EXT2: variants seen among roughly 807,000 people sequenced by gnomAD.
EXT2 encodes the protein exostosin glycosyltransferase 2.
In EXT2, 53 loss-of-function variants were observed where a neutral mutation model predicts 81.6. The observed-to-expected ratio is 0.65, with a 90% CI of 0.52 to 0.82. The LOEUF (loss-of-function observed/expected upper bound fraction) is 0.82. Among genes scored for constraint, EXT2 ranks in the 40% least tolerant of loss-of-function variants. The pLI is 0.00. For missense variants in EXT2, 774 were observed against 910.2 expected, an observed-to-expected ratio of 0.85 and a Z score of 1.93; for synonymous variants, 320 against 340.0, an observed-to-expected ratio of 0.94 and a Z score of 0.65.
At chr11:44,173,735 A>AT (rs1180776453) in intron 8 of EXT2, among the ~76,000 whole-genome samples, 1 of 151,364 alleles carries the variant, frequency 6.6e-6, no homozygotes, top group Admixed American at 6.6e-5. Context: ...CGTCCGGCTA[A>AT]TTTTTTGTGT....
chr11:44,215,873 T>TC (rs1955711706), intron 10 of EXT2, among the ~76,000 whole-genome samples: 1 of 124,558 alleles, frequency 8.0e-6, no homozygotes, highest in African/African-American at 3.0e-5. Context: ...GAATTTTTTT[T>TC]TTTTTTTTTT....
intron 10 of EXT2, among the ~76,000 whole-genome samples, chr11:44,217,758 C>T (rs1243034530): frequency 6.6e-6 from 1 of 152,164 alleles, no homozygotes; most frequent in South Asian, 2.1e-4. Flanking sequence ...TATTCCTCCT[C>T]CCCTCCTCCA....
At chr11:44,231,573 G>C (rs892327702) in intron 10 of EXT2, among the ~76,000 whole-genome samples, 2 of 152,184 alleles carry the variant, frequency 1.3e-5, no homozygotes, top group Non-Finnish European at 2.9e-5. Context: ...ATAGAGCCTA[G>C]GACCGAATTC....
chr11:44,241,743 T>C (rs989150650), intron 13 of EXT2, among the ~76,000 whole-genome samples: 3 of 152,194 alleles, frequency 2.0e-5, no homozygotes, highest in African/African-American at 7.2e-5. Flanking sequence ...CACAGGAGAA[T>C]GGTTACTGAC....
intron 2 of EXT2, 87 bp downstream of exon 2, chr11:44,108,335 C>G: frequency 7.0e-7 from 1 of 1,438,540 alleles, no homozygotes. Context: ...GGGAATGCTT[C>G]TGCTCTTGAG....
intron 12 of EXT2, among the ~76,000 whole-genome samples, chr11:44,235,883 T>A (rs981654348): frequency 6.6e-6 from 1 of 152,202 alleles, no homozygotes; most frequent in East Asian, 1.9e-4. Flanking sequence ...CATTTGCCAT[T>A]AGCTGGAAAG....
intron 7 of EXT2, among the ~76,000 whole-genome samples, chr11:44,141,720 C>A (rs535610945): frequency 6.6e-6 from 1 of 152,180 alleles, no homozygotes; most frequent in Non-Finnish European, 1.5e-5. Context: ...AGTTAACCAT[C>A]GGTTTAATCC....
At chr11:44,209,014 C>T (rs985417429) in intron 10 of EXT2, among the ~76,000 whole-genome samples, 2 of 152,192 alleles carry the variant, frequency 1.3e-5, no homozygotes, top group African/African-American at 4.8e-5. Flanking sequence ...TTAGGGCCTC[C>T]GTGCCCAAAT....
At chr11:44,178,233 A>T (rs1955185432) in intron 8 of EXT2, among the ~76,000 whole-genome samples, 1 of 152,194 alleles carries the variant, frequency 6.6e-6, no homozygotes, top group Non-Finnish European at 1.5e-5. Context: ...TGAGATTCAG[A>T]TTGGGTAGGT....
At chr11:44,197,763 A>T in intron 8 of EXT2, 66 bp from the exon 9 acceptor site, 1 of 1,561,432 alleles carries the variant, frequency 6.4e-7, no homozygotes, top group African/African-American at 1.4e-5. Context: ...GGGTTTGCTG[A>T]CGATATTGGG....
intron 7 of EXT2, among the ~76,000 whole-genome samples, chr11:44,134,558 G>A (rs1422275858): frequency 6.6e-6 from 1 of 152,160 alleles, no homozygotes; most frequent in African/African-American, 2.4e-5. Flanking sequence ...GCAGGCAGAA[G>A]TATGCAGCTA....
intron 10 of EXT2, among the ~76,000 whole-genome samples, chr11:44,222,497 G>GATTCCAT (rs1955792520): frequency 6.6e-6 from 1 of 152,194 alleles, no homozygotes; most frequent in Admixed American, 6.5e-5. Flanking sequence ...TTCAAAGTAT[G>GATTCCAT]ATTCCATATT....
At chr11:44,131,473 C>A (rs576245495) in intron 7 of EXT2, among the ~76,000 whole-genome samples, 10 of 152,290 alleles carry the variant, frequency 6.6e-5, no homozygotes, top group Non-Finnish European at 1.3e-4. Context: ...CCTCAGTGAC[C>A]TCATCTGTGC....
chr11:44,223,641 A>T (rs1908474), intron 10 of EXT2, among the ~76,000 whole-genome samples: 22 of 150,464 alleles, frequency 1.5e-4, no homozygotes, highest in African/African-American at 4.4e-4. Context: ...GGAGGGAGAC[A>T]GTTGTGTGTC....
intron 10 of EXT2, among the ~76,000 whole-genome samples, chr11:44,212,003 A>T (rs1955653520): frequency 6.6e-6 from 1 of 152,126 alleles, no homozygotes; most frequent in Admixed American, 6.6e-5. Context: ...AAGATGGTAT[A>T]GGCTGGGCGC....
In EXT2 at chr11:44,187,996, A is replaced by G. The variant is rs78593108; in HGVS notation, c.1306-9833A>G. Among the ~76,000 whole-genome samples, 45 of 152,350 alleles carry G rather than the reference A, an allele frequency of 3.0e-4. 1 individual carries two copies. In the East Asian group the frequency reaches 7.3e-3, roughly 25 times the overall value. ...AGTTAAACAGGGAACACAATGACACATAAGTACAGTGGCAGTGTAAATATA... is the reference window on the plus strand; with the variant it reads ...AGTTAAACAGGGAACACAATGACACGTAAGTACAGTGGCAGTGTAAATATA... On this transcript the variant is annotated intron_variant, in intron 8 of 13. Transcript: ENST00000533608.
At position 44,248,695 on chromosome 11, in the gene EXT2, A is replaced by G. The variant is rs985549251; in HGVS notation, c.*4408A>G. 1.3e-4 allele frequency among the ~76,000 whole-genome samples: 20 copies of G among 152,194 alleles called. No individual in the cohort carries two copies. The highest frequency in any genetic ancestry group is 1.2e-4 in the Non-Finnish European group (8 of 68,042). On this transcript the variant is annotated 3_prime_UTR_variant, in exon 14 of 14. Transcript: ENST00000533608. ...TGAGGGCATTGTAAGCTCAAGCCAC[A>G]GCCTCTTTTCCACCTCCATTAAATG...
rs555434082 is a variant in EXT2, at chr11:44,206,308, A to G, written c.1496-485A>G. Among the ~76,000 whole-genome samples the G allele has an allele frequency of 2.6e-5, 4 of 152,338 alleles. No homozygotes were observed. In the East Asian group the frequency reaches 7.7e-4, roughly 29 times the overall value. ...CTAGCACTGCTGCAGGCAAGTTTTCAGCTAGGATATACTTATCTGAAAGTA... is the reference window on the plus strand; with the variant it reads ...CTAGCACTGCTGCAGGCAAGTTTTCGGCTAGGATATACTTATCTGAAAGTA... On this transcript the variant is annotated intron_variant, in intron 9 of 13. Coordinates refer to ENST00000533608, the MANE Select transcript of EXT2 (RefSeq NM_207122.2).
chr11:44,102,141 T>C (rs1953993103), intron 1 of EXT2, among the ~76,000 whole-genome samples: 1 of 152,176 alleles, frequency 6.6e-6, no homozygotes. Context: ...TAGGCAGACA[T>C]TCTCCCATCC....
Sources: gnomAD v4.1 joint callset for allele counts (sites outside exome capture counted in the v4.1 genomes callset) on GRCh38, gnomAD v4.1.1 for gene constraint, MANE v1.5 for transcripts, NCBI Gene and HGNC (gene_info 2026-07-23, HGNC 2026-07-21) for gene names.